ATF6: variants seen among roughly 807,000 people sequenced by gnomAD.
ATF6 encodes cyclic AMP-dependent transcription factor ATF-6 alpha.
Under a neutral mutation model 83.6 loss-of-function variants are expected in ATF6, and 53 were observed. That is an observed-to-expected ratio of 0.63 (90% CI 0.51 to 0.80). ATF6 has a LOEUF of 0.80. Ranked by LOEUF, ATF6 falls within the 30% of genes least tolerant of loss-of-function variation. The pLI is 0.00. For synonymous variants in ATF6, 288 were observed against 285.8 expected (o/e 1.01, Z -0.08); for missense variants, 744 against 797.9 (o/e 0.93, Z 0.81).
At chr1:161,951,139 T>G (rs1457606058) in intron 15 of ATF6, among the ~76,000 whole-genome samples, 1 of 152,204 alleles carries the variant, frequency 6.6e-6, no homozygotes, top group African/African-American at 2.4e-5. Context: ...AGCTTAGACC[T>G]CTGTGGCATA....
chr1:161,832,598 A>G (rs1686092922), intron 9 of ATF6, among the ~76,000 whole-genome samples: 1 of 152,230 alleles, frequency 6.6e-6, no homozygotes, highest in Non-Finnish European at 1.5e-5. Context: ...ACAGCACACG[A>G]GGAGATTATA....
chr1:161,808,143 G>A (rs968852491), intron 7 of ATF6, among the ~76,000 whole-genome samples: 2 of 152,008 alleles, frequency 1.3e-5, no homozygotes, highest in Admixed American at 6.5e-5. Context: ...GCCTCCCAAA[G>A]TGCTGGGATT....
chr1:161,790,809 T>TCAACAACAA lies in ATF6; in HGVS notation c.355-568_355-560dup, dbSNP rs34420630. 6.7e-3 allele frequency among the ~76,000 whole-genome samples: 1,010 copies of TCAACAACAA among 149,794 alleles called. 10 individuals carry two copies. The highest frequency in any genetic ancestry group is 0.023 in the African/African-American group (939 of 40,612). The stretch of plus-strand genomic sequence containing the variant: ...TTGGGCAACAGAGTGAGACTCTGTC[T>TCAACAACAA]CAACAACAACAACAACAACAACAAC... On this transcript the variant is annotated intron_variant, in intron 4 of 15. Transcript: ENST00000367942.
chr1:161,829,292 C>T (rs182785404), intron 9 of ATF6, among the ~76,000 whole-genome samples: 7 of 150,236 alleles, frequency 4.7e-5, no homozygotes, highest in South Asian at 2.1e-4. Context: ...CTCCGCCTCC[C>T]GGGTTCATGC....
intron 1 of ATF6, among the ~76,000 whole-genome samples, chr1:161,770,612 C>T (rs902986706): frequency 3.9e-5 from 6 of 152,154 alleles, no homozygotes; most frequent in Non-Finnish European, 7.3e-5. Context: ...ACTTTAATTA[C>T]CTCCTAAAGA....
chr1:161,816,856 A>G (rs1304242893), intron 7 of ATF6, among the ~76,000 whole-genome samples: 1 of 152,112 alleles, frequency 6.6e-6, no homozygotes, highest in African/African-American at 2.4e-5. Context: ...TAGCCTACAA[A>G]TCATATTTTT....
intron 7 of ATF6, among the ~76,000 whole-genome samples, chr1:161,811,758 A>ACCATCCAT (rs373415832): frequency 1.6e-4 from 22 of 137,460 alleles, no homozygotes; most frequent in Middle Eastern, 3.8e-3. Flanking sequence ...CCACCATCCA[A>ACCATCCAT]CCATCCATCC....
chr1:161,920,880 A>AT (rs895840856), intron 15 of ATF6, among the ~76,000 whole-genome samples: 13 of 152,298 alleles, frequency 8.5e-5, no homozygotes, highest in Non-Finnish European at 1.8e-4. Context: ...TGTGTCAACT[A>AT]TTTAGGCCTG....
At chr1:161,786,032 G>GC (rs1557959293) in intron 4 of ATF6, among the ~76,000 whole-genome samples, 1 of 151,520 alleles carries the variant, frequency 6.6e-6, no homozygotes. Flanking sequence ...GGGTGCAATG[G>GC]CATGATCTCG....
Position 161,961,076 on chromosome 1 carries a change from T to A in ATF6, c.*2422T>A, listed in dbSNP as rs1256867387. ...CCTTCTTGTTCTTAGCGCTTCACTT[T>A]TACTTCATCCCTCGATTCCCAGCTT... On this transcript the variant is annotated 3_prime_UTR_variant, in exon 16 of 16. Coordinates refer to ENST00000367942, the MANE Select transcript of ATF6 (RefSeq NM_007348.4). 6.6e-6 allele frequency: 1 copy of A among 152,232 alleles called. No individual in the cohort carries two copies. Among genetic ancestry groups the A allele is most frequent in the Non-Finnish European group, 1.5e-5 (1 of 68,042 alleles). 9.4% of individuals were successfully genotyped at this position (152,232 alleles called of 1,614,324 possible).
rs779045495 is a variant in ATF6, at chr1:161,792,275, G to A, written c.636G>A (p.Met212Ile). 2 of 1,614,072 alleles carry A rather than the reference G, an allele frequency of 1.2e-6. No individual in the cohort carries two copies. Among genetic ancestry groups the A allele is most frequent in the Non-Finnish European group, 1.7e-6 (2 of 1,179,998 alleles). ...TTATTCAGACAGTACCAACGCTTAT[G>A]CCATTGGCAAAGCAGCAACCAATTA... ...TIIIQTVPTLMPLAKQQPIIS... is the reference protein window; with the variant it reads ...TIIIQTVPTLIPLAKQQPIIS... The change falls in exon 6 of 16, where the codon ATG (methionine) becomes ATA (isoleucine). Residue 212 changes from methionine (M) to isoleucine (I), a missense_variant. By Grantham distance (10) the Met-to-Ile change is conservative (BLOSUM62 1). Transcript: ENST00000367942.
In ATF6 at chr1:161,870,218, G is replaced by A. The variant is rs566826492; in HGVS notation, c.1719+6906G>A. Among the ~76,000 whole-genome samples the A allele has an allele frequency of 5.3e-5, 8 of 151,794 alleles. No homozygotes were observed. The East Asian group carries it at 9.6e-4, about 18-fold the overall frequency. On this transcript the variant is annotated intron_variant, in intron 14 of 15. Coordinates refer to ENST00000367942, the MANE Select transcript of ATF6 (RefSeq NM_007348.4). The stretch of plus-strand genomic sequence containing the variant: ...GTTTGTTAATTACCTGATTATGTTT[G>A]TTTGTTAATTACCTGTTAATTATAA...
At chr1:161,843,532 T>C (rs1423229613) in intron 9 of ATF6, among the ~76,000 whole-genome samples, 2 of 152,194 alleles carry the variant, frequency 1.3e-5, no homozygotes, top group Non-Finnish European at 2.9e-5. Flanking sequence ...CCTGACTTTC[T>C]TAGTTATTTA....
chr1:161,811,518 A>T (rs1343398919), intron 7 of ATF6, among the ~76,000 whole-genome samples: 1 of 152,228 alleles, frequency 6.6e-6, no homozygotes, highest in African/African-American at 2.4e-5. Context: ...ATGGGTACAC[A>T]TGTTAAACTT....
intron 15 of ATF6, among the ~76,000 whole-genome samples, chr1:161,921,192 A>G (rs1451600752): frequency 6.6e-6 from 1 of 152,230 alleles, no homozygotes; most frequent in Non-Finnish European, 1.5e-5. Context: ...ATTGGAATTG[A>G]GCAAAGTGTC....
intron 14 of ATF6, among the ~76,000 whole-genome samples, chr1:161,884,076 C>A (rs1018851649): frequency 2.0e-5 from 3 of 152,014 alleles, no homozygotes; most frequent in Non-Finnish European, 4.4e-5. Context: ...AAGCCATTCT[C>A]CTCCTAGGAT....
chr1:161,787,683 CATGAG>C (rs1413920138), intron 4 of ATF6, among the ~76,000 whole-genome samples: 4 of 152,150 alleles, frequency 2.6e-5, no homozygotes, highest in Non-Finnish European at 5.9e-5. Flanking sequence ...AAGTATTTAT[CATGAG>C]ATATTATTTT....
At chr1:161,844,316 G>A (rs996614200) in intron 9 of ATF6, among the ~76,000 whole-genome samples, 1 of 152,170 alleles carries the variant, frequency 6.6e-6, no homozygotes, top group African/African-American at 2.4e-5. Context: ...CTATAATCTT[G>A]AAAAAGAAAG....
At chr1:161,860,162 A>G in intron 12 of ATF6, 45 bp from the exon 13 acceptor site, 1 of 1,382,706 alleles carries the variant, frequency 7.2e-7, no homozygotes. Flanking sequence ...ATTTCATATA[A>G]TTTTGTGATA....
Sources: allele counts gnomAD v4.1 joint callset (sites outside exome capture counted in the v4.1 genomes callset), GRCh38; gene constraint gnomAD v4.1.1; transcripts MANE v1.5; gene names NCBI Gene and HGNC (gene_info 2026-07-23, HGNC 2026-07-21).